GPC3: variants seen among roughly 807,000 people sequenced by gnomAD.
The protein encoded by GPC3 is glypican-3.
Under a neutral mutation model 34.4 loss-of-function variants are expected in GPC3, and 3 were observed. The ratio of observed to expected loss-of-function variants is 0.09; its 90% CI spans 0.04 to 0.23. The LOEUF is 0.23. Among genes scored for constraint, GPC3 ranks in the 10% least tolerant of loss-of-function variants. The pLI is 1.00. For synonymous variants in GPC3, 177 were observed against 174.0 expected, an observed-to-expected ratio of 1.02 and a Z score of -0.13; for missense variants, 351 against 445.6, an observed-to-expected ratio of 0.79 and a Z score of 1.91.
chrX:133,789,586 C>T (rs73564986), intron 2 of GPC3, among the ~76,000 whole-genome samples: 3,213 of 111,798 alleles, frequency 0.029, 115 homozygotes, highest in African/African-American at 0.098. Flanking sequence ...CCTCTATGGA[C>T]GACTAAAAGA....
At chrX:133,549,127 CT>C (rs778490958) in intron 7 of GPC3, among the ~76,000 whole-genome samples, 1 of 111,208 alleles carries the variant, frequency 9.0e-6, no homozygotes, top group East Asian at 2.8e-4. Context: ...ACCTTTGGAC[CT>C]GCATGTCAGC....
intron 2 of GPC3, among the ~76,000 whole-genome samples, chrX:133,777,319 C>T (rs1203177709): frequency 9.1e-6 from 1 of 110,481 alleles, no homozygotes; most frequent in Admixed American, 9.7e-5. Flanking sequence ...GGCTTCTGTT[C>T]CTATTTATGC....
intron 2 of GPC3, among the ~76,000 whole-genome samples, chrX:133,780,892 T>C (rs757226597): frequency 6.3e-5 from 7 of 111,792 alleles, no homozygotes; most frequent in Non-Finnish European, 1.3e-4. Flanking sequence ...CATTATAGTC[T>C]AGTCAGAGTG....
chrX:133,901,331 C>CT (rs34328770), intron 2 of GPC3, among the ~76,000 whole-genome samples: 50,509 of 110,396 alleles, frequency 0.46, 10,560 homozygotes, highest in African/African-American at 0.83. Context: ...ACACAAGTAC[C>CT]TTTTTTCATG....
rs1424358946 is a variant in GPC3, at chrX:133,612,520, C to T, written c.1414-15921G>A. On this transcript the variant is annotated intron_variant, in intron 6 of 7. Transcript: ENST00000370818. ...CAAAGAAACAGTACCTTCAATTGGA[C>T]AAGGTTGGTCTTCTCTATTTGCTTC... is the stretch of plus-strand genomic sequence containing the variant. Among the ~76,000 whole-genome samples, 3 of 112,135 alleles carry T rather than the reference C, an allele frequency of 2.7e-5. No homozygotes were observed. The East Asian group carries it at 8.5e-4, about 32-fold the overall frequency.
intron 3 of GPC3, among the ~76,000 whole-genome samples, chrX:133,751,053 A>T (rs993077848): frequency 1.9e-5 from 2 of 105,192 alleles, no homozygotes; most frequent in African/African-American, 6.9e-5. Context: ...AGCCTGGGCG[A>T]CAGAGCGAGA....
At chrX:133,927,214 GT>G (rs928343062) in intron 2 of GPC3, among the ~76,000 whole-genome samples, 23 of 107,404 alleles carry the variant, frequency 2.1e-4, no homozygotes, top group South Asian at 4.0e-4. Flanking sequence ...TTATGCAGCT[GT>G]TTTTTTTTTA....
intron 2 of GPC3, among the ~76,000 whole-genome samples, chrX:133,903,956 G>A (rs889442586): frequency 8.9e-6 from 1 of 111,748 alleles, no homozygotes; most frequent in African/African-American, 3.3e-5. Context: ...AGGTACCCTG[G>A]CTCAGGGTAG....
chrX:133,833,234 T>C (rs976633273), intron 2 of GPC3, among the ~76,000 whole-genome samples: 1 of 111,422 alleles, frequency 9.0e-6, no homozygotes, highest in African/African-American at 3.3e-5. Context: ...TTTCATGAAA[T>C]AGATAGGGAA....
At chrX:133,842,495 C>T (rs980132453) in intron 2 of GPC3, among the ~76,000 whole-genome samples, 1 of 107,942 alleles carries the variant, frequency 9.3e-6, no homozygotes, top group Non-Finnish European at 1.9e-5. Context: ...TAATACAGCA[C>T]CCTTAATGTC....
chrX:133,677,825 C>T (rs1425105104), intron 5 of GPC3, among the ~76,000 whole-genome samples: 3 of 111,297 alleles, frequency 2.7e-5, no homozygotes, highest in Non-Finnish European at 3.8e-5. Context: ...AAATGTACTT[C>T]TACTCTCAAG....
At chrX:133,930,725 T>C (rs1003098052) in intron 2 of GPC3, among the ~76,000 whole-genome samples, 1 of 112,186 alleles carries the variant, frequency 8.9e-6, no homozygotes, top group Admixed American at 9.4e-5. Context: ...AACCTCTGCC[T>C]CATGGGTTCA....
chrX:133,763,911 C>T (rs1267755441), intron 2 of GPC3, among the ~76,000 whole-genome samples: 2 of 111,743 alleles, frequency 1.8e-5, no homozygotes, highest in African/African-American at 6.5e-5. Flanking sequence ...CTAGTAATCT[C>T]ATTACTGGGA....
rs1395347030 is a variant in GPC3 at position 133,937,623 on chromosome X, T to C, written c.337+15427A>G. 2.7e-5 allele frequency among the ~76,000 whole-genome samples: 3 copies of C among 111,353 alleles called. 1 individual carries two copies. Among genetic ancestry groups the C allele is most frequent in the Middle Eastern group, 9.2e-3 (2 of 218 alleles). The stretch of plus-strand genomic sequence containing the variant: ...TGCAGGAAAAAAATGAGAAAGCCTA[T>C]GCTCACCACAGTGATCTCTGGATGT... On this transcript the variant is annotated intron_variant, in intron 2 of 7. Coordinates refer to ENST00000370818, the MANE Select transcript of GPC3 (RefSeq NM_004484.4).
intron 3 of GPC3, among the ~76,000 whole-genome samples, chrX:133,701,995 T>C: frequency 8.9e-6 from 1 of 112,403 alleles, no homozygotes; most frequent in Non-Finnish European, 1.9e-5. Flanking sequence ...AGACATTCAA[T>C]TTGGCTTTGG....
chrX:133,752,779 T>C (rs973736061), intron 3 of GPC3, among the ~76,000 whole-genome samples: 1 of 112,356 alleles, frequency 8.9e-6, no homozygotes, highest in East Asian at 2.8e-4. Flanking sequence ...ACATGGATTG[T>C]TTGCCTTGCT....
At chrX:133,615,142 C>A (rs763122975) in intron 6 of GPC3, among the ~76,000 whole-genome samples, 25 of 111,820 alleles carry the variant, frequency 2.2e-4, no homozygotes, top group Non-Finnish European at 2.8e-4. Context: ...ACCAATCCTC[C>A]ACAAAATTTT....
chrX:133,914,357 G>C (rs1448870272), intron 2 of GPC3, among the ~76,000 whole-genome samples: 1 of 111,171 alleles, frequency 9.0e-6, no homozygotes, highest in Non-Finnish European at 1.9e-5. Context: ...CAGCCCCAGG[G>C]ATTCAGAGCC....
chrX:133,635,930 C>G (rs1420886758), intron 6 of GPC3, among the ~76,000 whole-genome samples: 3 of 110,878 alleles, frequency 2.7e-5, no homozygotes, highest in African/African-American at 9.8e-5. Context: ...TTATTCTGAA[C>G]TATAAGCCCA....
Sources: gnomAD v4.1 joint callset for allele counts (sites outside exome capture counted in the v4.1 genomes callset) on GRCh38, gnomAD v4.1.1 for gene constraint, MANE v1.5 for transcripts, NCBI Gene and HGNC (gene_info 2026-07-23, HGNC 2026-07-21) for gene names.